The following MECOM variants were observed in gnomAD, a reference collection of about 807,000 sequenced individuals.
MECOM encodes histone-lysine N-methyltransferase MECOM.
A neutral mutation model predicts 116.3 loss-of-function variants in MECOM; 13 were observed. That is an observed-to-expected ratio of 0.11 (90% CI 0.07 to 0.18). The LOEUF is 0.18. MECOM is among the 10% of genes least tolerant of loss of function. The pLI is 1.00. For missense variants in MECOM, 1,299 were observed against 1,509.0 expected (o/e 0.86, Z 2.31); for synonymous variants, 528 against 535.2 (o/e 0.99, Z 0.19).
chr3:169,595,415 A>T (rs1031902318), intron 1 of MECOM, among the ~76,000 whole-genome samples: 2 of 152,204 alleles, frequency 1.3e-5, no homozygotes, highest in African/African-American at 4.8e-5. Flanking sequence ...CATTAAAGTT[A>T]AACAGTTTCT....
At chr3:169,597,211 T>C (rs566635484) in intron 1 of MECOM, among the ~76,000 whole-genome samples, 1 of 152,292 alleles carries the variant, frequency 6.6e-6, no homozygotes, top group African/African-American at 2.4e-5. Context: ...TGCAATCCAC[T>C]AATAAACTGA....
At chr3:169,463,293 A>T (rs999143447) in intron 1 of MECOM, among the ~76,000 whole-genome samples, 5 of 152,214 alleles carry the variant, frequency 3.3e-5, no homozygotes, top group African/African-American at 1.2e-4. Context: ...CTTGATGCTC[A>T]TGTGAAAACA....
chr3:169,365,442 A>G (rs1729006268), intron 2 of MECOM, among the ~76,000 whole-genome samples: 1 of 152,056 alleles, frequency 6.6e-6, no homozygotes, highest in Non-Finnish European at 1.5e-5. Context: ...AGACTAGTCT[A>G]CTGACTATCC....
At chr3:169,625,730 G>C (rs1369909666) in intron 1 of MECOM, among the ~76,000 whole-genome samples, 1 of 152,176 alleles carries the variant, frequency 6.6e-6, no homozygotes, top group East Asian at 1.9e-4. Flanking sequence ...TAATTGTTAA[G>C]GAAGGATACA....
intron 3 of MECOM, among the ~76,000 whole-genome samples, chr3:169,137,631 C>T (rs371201094): frequency 4.6e-5 from 7 of 152,232 alleles, no homozygotes; most frequent in Admixed American, 4.6e-4. Context: ...AGATCAAGTA[C>T]TGCCTTGCTA....
At chr3:169,480,372 T>TC (rs11411941) in intron 1 of MECOM, among the ~76,000 whole-genome samples, 1 of 152,026 alleles carries the variant, frequency 6.6e-6, no homozygotes, top group Non-Finnish European at 1.5e-5. Flanking sequence ...AACAAAAGGA[T>TC]TTACAAGGTG....
chr3:169,311,247 A>C (rs1325448847), intron 2 of MECOM, among the ~76,000 whole-genome samples: 1 of 152,232 alleles, frequency 6.6e-6, no homozygotes, highest in African/African-American at 2.4e-5. Context: ...TTTATCAGGA[A>C]AATGAATAAT....
intron 1 of MECOM, among the ~76,000 whole-genome samples, chr3:169,468,594 T>A (rs2108773260): frequency 6.6e-6 from 1 of 152,302 alleles, no homozygotes; most frequent in East Asian, 1.9e-4. Context: ...CTGCAAAATG[T>A]AATAAAAAGG....
chr3:169,552,690 G>T (rs1211154171), intron 1 of MECOM, among the ~76,000 whole-genome samples: 2 of 152,170 alleles, frequency 1.3e-5, no homozygotes, highest in African/African-American at 4.8e-5. Context: ...ATAGGAAAAG[G>T]GTTAGTGTTG....
chr3:169,662,932 C>T (rs899810442), intron 1 of MECOM, among the ~76,000 whole-genome samples: 6 of 150,868 alleles, frequency 4.0e-5, no homozygotes, highest in Non-Finnish European at 5.9e-5. Context: ...TGGCCAGAGG[C>T]AACTCTCCCC....
In MECOM at chr3:169,284,377, T is replaced by G. The variant is rs1394882577; in HGVS notation, c.375+96810A>C. ...GATCACTCTGGGCAGGGATGCACTC[T>G]AGCCTAAGAAGTCTATTTTTCCCTC... On this transcript the variant is annotated intron_variant, in intron 2 of 16. Transcript: ENST00000651503. Among the ~76,000 whole-genome samples, 4 of 152,190 alleles carry G rather than the reference T, an allele frequency of 2.6e-5. No homozygotes were observed. The East Asian group carries it at 7.7e-4, about 29-fold the overall frequency.
At chr3:169,605,145 C>T (rs542050291) in intron 1 of MECOM, among the ~76,000 whole-genome samples, 55 of 152,036 alleles carry the variant, frequency 3.6e-4, no homozygotes, top group Non-Finnish European at 6.3e-4. Flanking sequence ...ACCTGGCTCT[C>T]GGATTCCTAG....
intron 2 of MECOM, among the ~76,000 whole-genome samples, chr3:169,205,555 CA>C (rs1749808809): frequency 6.6e-6 from 1 of 152,036 alleles, no homozygotes; most frequent in Non-Finnish European, 1.5e-5. Context: ...GTGTACTAGC[CA>C]GAGTTATTTA....
chr3:169,306,331 G>T (rs1420418961), intron 2 of MECOM, among the ~76,000 whole-genome samples: 1 of 152,086 alleles, frequency 6.6e-6, no homozygotes, highest in East Asian at 1.9e-4. Context: ...ATCCCATTCA[G>T]CAGATGAAAA....
intron 1 of MECOM, among the ~76,000 whole-genome samples, chr3:169,432,484 C>G (rs548453136): frequency 1.3e-5 from 2 of 152,224 alleles, no homozygotes; most frequent in South Asian, 4.1e-4. Context: ...CATTATTTAG[C>G]CTTAGCTGAT....
At chr3:169,263,279 C>T (rs1757841972) in intron 2 of MECOM, among the ~76,000 whole-genome samples, 1 of 150,664 alleles carries the variant, frequency 6.6e-6, no homozygotes, top group African/African-American at 2.4e-5. Flanking sequence ...CAGGCGCCCG[C>T]CACCATGCTC....
At chr3:169,403,108 A>G (rs1434923272) in intron 1 of MECOM, among the ~76,000 whole-genome samples, 2 of 152,240 alleles carry the variant, frequency 1.3e-5, no homozygotes, top group South Asian at 2.1e-4. Flanking sequence ...TGCAAAATCA[A>G]CATTCTCTAT....
At chr3:169,263,653 T>C (rs1027200078) in intron 2 of MECOM, among the ~76,000 whole-genome samples, 2 of 152,098 alleles carry the variant, frequency 1.3e-5, no homozygotes, top group Non-Finnish European at 1.5e-5. Flanking sequence ...CTGAATAAAA[T>C]TTTGAGTTCA....
At chr3:169,310,671 C>T (rs564712372) in intron 2 of MECOM, among the ~76,000 whole-genome samples, 1 of 152,348 alleles carries the variant, frequency 6.6e-6, no homozygotes, top group East Asian at 1.9e-4. Flanking sequence ...TTTCCATAAT[C>T]AGTTAATAAT....
Sources: allele counts gnomAD v4.1 joint callset (sites outside exome capture counted in the v4.1 genomes callset), GRCh38; gene constraint gnomAD v4.1.1; transcripts MANE v1.5; gene names NCBI Gene and HGNC (gene_info 2026-07-23, HGNC 2026-07-21).